Variants in MYT1L observed in about 807,000 individuals in gnomAD.
The protein encoded by MYT1L is myelin transcription factor 1 like.
In MYT1L, 12 loss-of-function variants were observed where a neutral mutation model predicts 126.7. That is an observed-to-expected ratio of 0.09 (90% CI 0.06 to 0.15). The LOEUF (loss-of-function observed/expected upper bound fraction) is 0.15. Ranked by LOEUF, MYT1L falls within the 10% of genes least tolerant of loss-of-function variation. MYT1L has a pLI of 1.00. For missense variants in MYT1L, 979 were observed against 1,585.2 expected (o/e 0.62, Z 6.49); for synonymous variants, 541 against 604.2 (o/e 0.90, Z 1.53).
At chr2:2,250,593 T>C (rs2094621359) in intron 2 of MYT1L, among the ~76,000 whole-genome samples, 1 of 149,444 alleles carries the variant, frequency 6.7e-6, no homozygotes, top group African/African-American at 2.4e-5. Context: ...TAAGGCCTAG[T>C]TATTTGATAG....
chr2:1,928,277 G>T (rs2054494111), intron 9 of MYT1L, among the ~76,000 whole-genome samples: 1 of 152,196 alleles, frequency 6.6e-6, no homozygotes, highest in Non-Finnish European at 1.5e-5. Context: ...TCTGTGCAGA[G>T]GAAATGAAGT....
intron 2 of MYT1L, among the ~76,000 whole-genome samples, chr2:2,265,585 G>A (rs2095106883): frequency 6.6e-6 from 1 of 152,190 alleles, no homozygotes; most frequent in Admixed American, 6.5e-5. Context: ...GATTTGGGAT[G>A]ATGTCGGATG....
At chr2:1,958,266 G>C (rs986350747) in intron 8 of MYT1L, among the ~76,000 whole-genome samples, 2 of 152,176 alleles carry the variant, frequency 1.3e-5, no homozygotes, top group African/African-American at 2.4e-5. Flanking sequence ...GGCCACTGCA[G>C]ATGGAACCCA....
chr2:1,866,738 A>G (rs1321528231), intron 18 of MYT1L, among the ~76,000 whole-genome samples: 24 of 98,270 alleles, frequency 2.4e-4, no homozygotes, highest in Non-Finnish European at 3.7e-4. Flanking sequence ...AGGGAGAGAG[A>G]GAGGCAGAGA....
chr2:2,060,845 C>CCT (rs1209482572), intron 3 of MYT1L, among the ~76,000 whole-genome samples: 1 of 146,646 alleles, frequency 6.8e-6, no homozygotes, highest in African/African-American at 2.5e-5. Flanking sequence ...TCTCTCTTTC[C>CCT]CTCTCTCTCT....
chr2:2,215,432 C>T (rs1572533218), intron 2 of MYT1L, among the ~76,000 whole-genome samples: 1 of 152,108 alleles, frequency 6.6e-6, no homozygotes, highest in African/African-American at 2.4e-5. Flanking sequence ...CAAAGCAAAG[C>T]ATACTACCAG....
At chr2:1,921,960 A>G (rs1340050805) in intron 10 of MYT1L, among the ~76,000 whole-genome samples, 1 of 152,230 alleles carries the variant, frequency 6.6e-6, no homozygotes, top group East Asian at 1.9e-4. Context: ...CATTTATAAT[A>G]GCACAGGCTT....
intron 19 of MYT1L, among the ~76,000 whole-genome samples, chr2:1,843,971 C>T (rs901358302): frequency 5.9e-5 from 9 of 152,224 alleles, no homozygotes; most frequent in African/African-American, 2.2e-4. Flanking sequence ...AGAATGCCTG[C>T]TCTGGGGCTC....
intron 18 of MYT1L, among the ~76,000 whole-genome samples, chr2:1,857,053 G>T (rs2044009205): frequency 6.6e-6 from 1 of 152,164 alleles, no homozygotes; most frequent in Non-Finnish European, 1.5e-5. Flanking sequence ...GGCCTGGGAG[G>T]CAGGGCCTGG....
At position 2,316,153 on chromosome 2, in the gene MYT1L, C is replaced by T. The variant is rs183522977; in HGVS notation, c.-521+14814G>A. On this transcript the variant is annotated intron_variant, in intron 1 of 24. Coordinates refer to ENST00000647738, the MANE Select transcript of MYT1L (RefSeq NM_001303052.2). ...GTGGAGAGAGACCACTGCCCAACCTCAACATGAGCTTGATTTCTCAGACTC... is the reference window on the plus strand; with the variant it reads ...GTGGAGAGAGACCACTGCCCAACCTTAACATGAGCTTGATTTCTCAGACTC... Among the ~76,000 whole-genome samples the T allele has an allele frequency of 5.3e-4, 80 of 152,318 alleles. No homozygotes were observed. The East Asian group carries it at 0.013, about 25-fold the overall frequency.
At chr2:2,272,561 A>T (rs548065843) in intron 2 of MYT1L, among the ~76,000 whole-genome samples, 1 of 152,352 alleles carries the variant, frequency 6.6e-6, no homozygotes, top group South Asian at 2.1e-4. Flanking sequence ...CATGTTAGTG[A>T]GTTCCGACAG....
At chr2:2,277,318 C>T (rs934327647) in intron 2 of MYT1L, among the ~76,000 whole-genome samples, 2 of 152,232 alleles carry the variant, frequency 1.3e-5, no homozygotes, top group Admixed American at 6.5e-5. Flanking sequence ...CTCATCTTTT[C>T]ACCCTTCATA....
intron 2 of MYT1L, among the ~76,000 whole-genome samples, chr2:2,253,724 G>A (rs960757826): frequency 6.6e-6 from 1 of 151,888 alleles, no homozygotes; most frequent in East Asian, 1.9e-4. Flanking sequence ...CGGGGCAGGA[G>A]GGCAAGTCGG....
At chr2:2,036,662 C>A (rs2066889072) in intron 4 of MYT1L, among the ~76,000 whole-genome samples, 1 of 152,192 alleles carries the variant, frequency 6.6e-6, no homozygotes, top group East Asian at 1.9e-4. Flanking sequence ...ATCTTGAATT[C>A]TTTTTTGTTG....
At chr2:2,194,377 A>C (rs543039906) in intron 2 of MYT1L, among the ~76,000 whole-genome samples, 2 of 152,292 alleles carry the variant, frequency 1.3e-5, no homozygotes, top group East Asian at 3.9e-4. Context: ...GTAGTTATTC[A>C]TATTTTATCT....
intron 3 of MYT1L, among the ~76,000 whole-genome samples, chr2:2,109,896 T>TCAGA (rs2079198995): frequency 8.9e-6 from 1 of 112,484 alleles, no homozygotes; most frequent in South Asian, 3.2e-4. Flanking sequence ...TATATATATA[T>TCAGA]ATATATATAT....
At chr2:1,955,703 G>C (rs951291922) in intron 8 of MYT1L, among the ~76,000 whole-genome samples, 1 of 152,158 alleles carries the variant, frequency 6.6e-6, no homozygotes, top group Non-Finnish European at 1.5e-5. Context: ...TGTGGCAATG[G>C]TCAGTTACAA....
chr2:1,881,932 G>T (rs2047609051), intron 18 of MYT1L, among the ~76,000 whole-genome samples: 1 of 151,846 alleles, frequency 6.6e-6, no homozygotes, highest in Admixed American at 6.6e-5. Flanking sequence ...CTCGGGCTTT[G>T]CCCTGATTTT....
In MYT1L at chr2:1,834,604, T is replaced by C. The variant is rs191600677; in HGVS notation, c.3080+4545A>G. Among the ~76,000 whole-genome samples, 574 of 152,282 alleles carry C rather than the reference T, an allele frequency of 3.8e-3. 4 individuals are homozygous for C. The highest frequency in any genetic ancestry group is 8.4e-3 in the Admixed American group (129 of 15,296). ...AAAAGCAAACCCCATGGGATTCTAC[T>C]TATAGGAGGTCCCTAGAAGCATCAG... On this transcript the variant is annotated intron_variant, in intron 21 of 24. Transcript: ENST00000647738.
Sources: allele counts gnomAD v4.1 joint callset (sites outside exome capture counted in the v4.1 genomes callset), GRCh38; gene constraint gnomAD v4.1.1; transcripts MANE v1.5; gene names NCBI Gene and HGNC (gene_info 2026-07-23, HGNC 2026-07-21).